Variants in PDLIM7 observed in about 807,000 individuals in gnomAD.
The protein encoded by PDLIM7 is PDZ and LIM domain protein 7.
PDLIM7 carries 37 observed loss-of-function variants against 53.9 expected under a neutral mutation model. The ratio of observed to expected loss-of-function variants is 0.69; its 90% CI spans 0.53 to 0.90. The LOEUF is 0.90. Ranked by LOEUF, PDLIM7 falls within the 40% of genes least tolerant of loss-of-function variation. The pLI is 0.00. For missense variants in PDLIM7, 617 were observed against 638.5 expected (o/e 0.97, Z 0.36); for synonymous variants, 300 against 261.3 (o/e 1.15, Z -1.43).
chr5:177,485,295 A>G (rs1255507037), intron 10 of PDLIM7, among the ~76,000 whole-genome samples: 1 of 152,218 alleles, frequency 6.6e-6, no homozygotes, highest in Non-Finnish European at 1.5e-5. Context: ...GGGAAGGGGC[A>G]GAGGCACAAG....
chr5:177,484,378 A>G, intron 10 of PDLIM7, 188 bp from the exon 11 acceptor site: 2 of 639,612 alleles, frequency 3.1e-6, no homozygotes, highest in Non-Finnish European at 5.3e-6. Context: ...CTGCGCCTTC[A>G]GACTTGCCAT....
chr5:177,486,792 G>A (rs749574074), intron 10 of PDLIM7, among the ~76,000 whole-genome samples: 14 of 150,288 alleles, frequency 9.3e-5, no homozygotes, highest in Non-Finnish European at 1.2e-4. Flanking sequence ...CACCATGCCC[G>A]GCCAATTTTT....
At chr5:177,492,763 G>A in intron 2 of PDLIM7, 86 bp from the exon 3 acceptor site, 2 of 1,438,940 alleles carry the variant, frequency 1.4e-6, no homozygotes, top group Non-Finnish European at 1.9e-6. Context: ...CCCACCCAAA[G>A]CTGTCCCACT....
At chr5:177,490,014 C>T (rs542964360) in intron 7 of PDLIM7, 182 bp from the exon 8 acceptor site, 2 of 1,534,096 alleles carry the variant, frequency 1.3e-6, no homozygotes, top group African/African-American at 2.7e-5. Flanking sequence ...GTCCAGTTAG[C>T]TGGTGTGCGG....
chr5:177,496,732 C>T (rs1278088899), intron 1 of PDLIM7: 4 of 391,644 alleles, frequency 1.0e-5, no homozygotes, highest in African/African-American at 6.3e-5. Flanking sequence ...GAGCAGCCCC[C>T]CTCCCCTTGG....
At chr5:177,496,636 C>G in intron 1 of PDLIM7, 113 bp from the exon 2 acceptor site, 1 of 593,268 alleles carries the variant, frequency 1.7e-6, no homozygotes, top group Non-Finnish European at 2.8e-6. Context: ...ACGGGCAGCC[C>G]CTGAGCACGC....
At chr5:177,495,331 T>G (rs1220735432) in intron 2 of PDLIM7, among the ~76,000 whole-genome samples, 1 of 152,000 alleles carries the variant, frequency 6.6e-6, no homozygotes, top group Non-Finnish European at 1.5e-5. Flanking sequence ...GAGCCCCTCC[T>G]CAGGCCACGA....
In PDLIM7 at chr5:177,488,125, T is replaced by C; in HGVS notation, c.993A>G (p.Pro331=). The change falls in exon 10 of 13, where the codon CCA becomes CCG. Residue 331 remains proline (P), a synonymous_variant. Transcript: ENST00000355841. ...TGGGTGCATAGCGCACGTCATAGCATGGTGGGCAGAAGATGGCGCCCTTCT... is the reference window on the plus strand; with the variant it reads ...TGGGTGCATAGCGCACGTCATAGCACGGTGGGCAGAAGATGGCGCCCTTCT... ...FEEKGAIFCP[P]CYDVRYAPSC... is the part of the protein sequence containing the mutation. 4 of 1,613,176 alleles carry C rather than the reference T, an allele frequency of 2.5e-6. No individual in the cohort carries two copies. The highest frequency in any genetic ancestry group is 3.4e-6 in the Non-Finnish European group (4 of 1,179,892).
At position 177,490,708 on chromosome 5, in the gene PDLIM7, GGAAGGGAAGGAAGGAAGGAA is replaced by G. The variant is rs1377690822; in HGVS notation, c.572+142_572+161del. 88 of 738,812 alleles carry G rather than the reference GGAAGGGAAGGAAGGAAGGAA, an allele frequency of 1.2e-4. No individual in the cohort carries two copies. The Middle Eastern group carries it at 1.2e-3, about 10-fold the overall frequency. 45.8% of individuals were successfully genotyped at this position (738,812 alleles called of 1,614,324 possible). A position where few individuals can be genotyped will look rare whatever the true frequency, so the allele number is the denominator to read the frequency against. On this transcript the variant is annotated intron_variant, in intron 7 of 12. Transcript: ENST00000355841. ...AAGAAATGAAAGAAGGAAGGAAGGAGGAAGGGAAGGAAGGAAGGAAGGAAGGAAGGAAGGAAGGAAGGAAG... is the reference window on the plus strand; with the variant it reads ...AAGAAATGAAAGAAGGAAGGAAGGAGGGAAGGAAGGAAGGAAGGAAGGAAG...
rs1758287020 is a variant in PDLIM7, at chr5:177,483,479, G to A, written c.*165C>T. ...CCGGTGTGCTGTGGTGGTGGAGGGAGTGGGGTGGGAGGATAAGGTGGGTGG... is the reference window on the plus strand; with the variant it reads ...CCGGTGTGCTGTGGTGGTGGAGGGAATGGGGTGGGAGGATAAGGTGGGTGG... On this transcript the variant is annotated 3_prime_UTR_variant, in exon 13 of 13. Transcript: ENST00000355841. 5 of 593,358 alleles carry A rather than the reference G, an allele frequency of 8.4e-6. No homozygotes were observed. Among genetic ancestry groups the A allele is most frequent in the Non-Finnish European group, 1.2e-5 (4 of 331,102 alleles). The allele number at this position is 593,358 out of a possible 1,614,324, so 36.8% of individuals were successfully genotyped here.
At chr5:177,486,082 C>A (rs1472246303) in intron 10 of PDLIM7, among the ~76,000 whole-genome samples, 1 of 151,682 alleles carries the variant, frequency 6.6e-6, no homozygotes, top group Non-Finnish European at 1.5e-5. Flanking sequence ...GGCTAATTTT[C>A]TAATTTTTTT....
Position 177,489,783 on chromosome 5 carries a change from C to T in PDLIM7, c.622G>A (p.Glu208Lys). 1.9e-6 allele frequency: 3 copies of T among 1,571,922 alleles called. No homozygotes were observed. Among genetic ancestry groups the T allele is most frequent in the Non-Finnish European group, 2.6e-6 (3 of 1,160,470 alleles). The change falls in exon 8 of 13, where the codon GAG (glutamate) becomes AAG (lysine). Residue 208 changes from glutamate (E) to lysine (K), a missense_variant. Physicochemically the swap from Glu to Lys is moderately conservative, Grantham distance 56. Transcript: ENST00000355841. The stretch of plus-strand genomic sequence containing the variant: ...CACTCCCTCTCACCAGGCCAGGGCT[C>T]CTGGGGTGTAGATGAGGCTGGGGCT... ...APAPASSTPQ[E>K]PWPGPTAPSP...
intron 2 of PDLIM7, 28 bp from the exon 3 acceptor site, chr5:177,492,705 G>A: frequency 5.0e-6 from 8 of 1,590,356 alleles, no homozygotes; most frequent in South Asian, 1.1e-5. Context: ...AAGTGACCGA[G>A]GCCCTGGACC....
chr5:177,491,987 G>A (rs1486667178), intron 4 of PDLIM7, 62 bp from the exon 5 acceptor site: 2 of 755,032 alleles, frequency 2.6e-6, no homozygotes, highest in African/African-American at 3.7e-5. Context: ...CTGGGTGGAA[G>A]TGGGGCGCCT....
chr5:177,494,265 G>T (rs1758953327), intron 2 of PDLIM7, among the ~76,000 whole-genome samples: 1 of 152,194 alleles, frequency 6.6e-6, no homozygotes, highest in Admixed American at 6.5e-5. Flanking sequence ...TGACCCTAAG[G>T]CTCCACCACT....
chr5:177,491,255 G>C (rs1482618283), intron 5 of PDLIM7, 109 bp from the exon 6 acceptor site: 1 of 1,447,390 alleles, frequency 6.9e-7, no homozygotes, highest in East Asian at 2.4e-5. Flanking sequence ...GGAGGGAGTG[G>C]GTAAGGGTGA....
At chr5:177,484,317 A>C in intron 10 of PDLIM7, 127 bp from the exon 11 acceptor site, 1 of 1,174,638 alleles carries the variant, frequency 8.5e-7, no homozygotes, top group Non-Finnish European at 1.2e-6. Flanking sequence ...CTAACTGTTC[A>C]GGACTCCCAC....
At chr5:177,495,987 C>T (rs1759051735) in intron 2 of PDLIM7, among the ~76,000 whole-genome samples, 2 of 152,130 alleles carry the variant, frequency 1.3e-5, no homozygotes, top group African/African-American at 4.8e-5. Flanking sequence ...GAGTTCTTCT[C>T]TCATCTGGAA....
At chr5:177,486,698 G>A (rs1581752637) in intron 10 of PDLIM7, among the ~76,000 whole-genome samples, 1 of 152,224 alleles carries the variant, frequency 6.6e-6, no homozygotes, top group Non-Finnish European at 1.5e-5. Flanking sequence ...GAGTGCAGTG[G>A]CGCGATCTCG....
Sources: gnomAD v4.1 joint callset for allele counts (sites outside exome capture counted in the v4.1 genomes callset) on GRCh38, gnomAD v4.1.1 for gene constraint, MANE v1.5 for transcripts, NCBI Gene and HGNC (gene_info 2026-07-23, HGNC 2026-07-21) for gene names.